BABAM2: variants seen among roughly 807,000 people sequenced by gnomAD.
The protein encoded by BABAM2 is BRISC and BRCA1-A complex member 2.
Under a neutral mutation model 54.7 loss-of-function variants are expected in BABAM2, and 31 were observed. The ratio of observed to expected loss-of-function variants is 0.57; its 90% CI spans 0.43 to 0.77. The LOEUF (loss-of-function observed/expected upper bound fraction) is 0.77. BABAM2 is among the 30% of genes least tolerant of loss of function. The pLI, the probability that BABAM2 is intolerant of heterozygous loss-of-function variation, is 0.00. For synonymous variants in BABAM2, 167 were observed against 162.9 expected (o/e 1.03, Z -0.19); for missense variants, 364 against 455.8 (o/e 0.80, Z 1.83).
chr2:28,017,228 C>G (rs1372740464), intron 4 of BABAM2, among the ~76,000 whole-genome samples: 1 of 152,170 alleles, frequency 6.6e-6, no homozygotes, highest in African/African-American at 2.4e-5. Context: ...GCTGATAATA[C>G]TTGGTCCTCT....
intron 6 of BABAM2, among the ~76,000 whole-genome samples, chr2:28,112,129 CTTTCTTTCTTTCTTTCTTTA>C (rs1376633922): frequency 1.7e-3 from 26 of 15,578 alleles, no homozygotes; most frequent in African/African-American, 6.5e-3. Context: ...TTCTTTCTTT[CTTTCTTTCTTTCTTTCTTTA>C]CCTCCCTCCC....
At position 28,182,581 on chromosome 2, in the gene BABAM2, T is replaced by G. The variant is rs971646565; in HGVS notation, c.680+53201T>G. Among the ~76,000 whole-genome samples the G allele has an allele frequency of 5.3e-5, 8 of 152,170 alleles. No homozygotes were observed. The East Asian group carries it at 1.3e-3, about 26-fold the overall frequency. On this transcript the variant is annotated intron_variant, in intron 7 of 11. Transcript: ENST00000379624. Reference sequence around the variant, plus strand: ...TAGGACTACAATCATGGCAGATCAGTGCTAGAAAGGCTTTAGAGTGTCTGT... The same window carrying G: ...TAGGACTACAATCATGGCAGATCAGGGCTAGAAAGGCTTTAGAGTGTCTGT...
chr2:28,332,192 C>T (rs1691018160), intron 11 of BABAM2, among the ~76,000 whole-genome samples: 1 of 152,190 alleles, frequency 6.6e-6, no homozygotes. Flanking sequence ...TAGCTAATGC[C>T]TGCAGGGCTT....
chr2:28,101,512 T>C (rs1263377256), intron 6 of BABAM2, among the ~76,000 whole-genome samples: 1 of 152,204 alleles, frequency 6.6e-6, no homozygotes, highest in African/African-American at 2.4e-5. Flanking sequence ...ATGTAAGTTA[T>C]GGAGCAGAGT....
At chr2:28,316,431 G>A (rs1413290940) in intron 11 of BABAM2, among the ~76,000 whole-genome samples, 2 of 117,692 alleles carry the variant, frequency 1.7e-5, no homozygotes, top group Non-Finnish European at 3.6e-5. Flanking sequence ...TGGGGGTGGG[G>A]GTGGGGGTGG....
chr2:27,926,056 T>A (rs1399359924), intron 2 of BABAM2, among the ~76,000 whole-genome samples: 3 of 151,926 alleles, frequency 2.0e-5, no homozygotes, highest in Non-Finnish European at 4.4e-5. Context: ...AATGGTCTCC[T>A]CCCTGGTCTG....
rs141140704 is a variant in BABAM2, at chr2:27,922,148, C to G, written c.129-7684C>G. Among the ~76,000 whole-genome samples the G allele has an allele frequency of 6.5e-3, 996 of 152,286 alleles. 6 individuals carry two copies. Among genetic ancestry groups the G allele is most frequent in the Non-Finnish European group, 0.01 (713 of 68,020 alleles). On this transcript the variant is annotated intron_variant, in intron 2 of 11. Coordinates refer to ENST00000379624, the MANE Select transcript of BABAM2 (RefSeq NM_199191.3). Reference sequence around the variant, plus strand: ...CAGAGTGCCAGTGAGACCCTTTGCTCTTTGATGTCATCATCTGTAAAATGA... The same window carrying G: ...CAGAGTGCCAGTGAGACCCTTTGCTGTTTGATGTCATCATCTGTAAAATGA...
chr2:27,994,199 C>T (rs1409028041), intron 4 of BABAM2, among the ~76,000 whole-genome samples: 1 of 152,086 alleles, frequency 6.6e-6, no homozygotes, highest in Non-Finnish European at 1.5e-5. Flanking sequence ...GGTATATGTA[C>T]AGAGTACTGT....
At chr2:28,306,690 AT>A (rs1688550300) in intron 11 of BABAM2, among the ~76,000 whole-genome samples, 1 of 150,242 alleles carries the variant, frequency 6.7e-6, no homozygotes, top group East Asian at 2.0e-4. Context: ...TTTCTTTTTT[AT>A]TTTTTTATTT....
intron 5 of BABAM2, among the ~76,000 whole-genome samples, chr2:28,039,653 A>T (rs549993707): frequency 6.6e-6 from 1 of 152,356 alleles, no homozygotes; most frequent in East Asian, 1.9e-4. Context: ...TTACAGAACA[A>T]CCTGAACTTG....
intron 7 of BABAM2, among the ~76,000 whole-genome samples, chr2:28,169,482 A>G (rs1039398672): frequency 6.6e-6 from 1 of 152,168 alleles, no homozygotes; most frequent in Non-Finnish European, 1.5e-5. Context: ...AAAAGAGACA[A>G]TATAAATATC....
intron 4 of BABAM2, among the ~76,000 whole-genome samples, chr2:27,990,625 G>A (rs1232559719): frequency 1.3e-5 from 2 of 151,960 alleles, no homozygotes; most frequent in East Asian, 1.9e-4. Context: ...TCCTGTGGCA[G>A]GTGTGGAATT....
chr2:27,889,130 C>T (rs1462447197), upstream of BABAM2, among the ~76,000 whole-genome samples: 1 of 152,200 alleles, frequency 6.6e-6, no homozygotes, highest in Non-Finnish European at 1.5e-5. Flanking sequence ...CTCTAACTCC[C>T]ACCTTTCTAA....
At chr2:28,278,424 C>A (rs1019866642) in intron 10 of BABAM2, among the ~76,000 whole-genome samples, 8 of 152,050 alleles carry the variant, frequency 5.3e-5, no homozygotes, top group Non-Finnish European at 1.2e-4. Flanking sequence ...ATCAAAAGGA[C>A]TTGGTGAACA....
At chr2:28,144,998 A>G (rs1373636698) in intron 7 of BABAM2, among the ~76,000 whole-genome samples, 1 of 152,182 alleles carries the variant, frequency 6.6e-6, no homozygotes, top group Non-Finnish European at 1.5e-5. Context: ...CTGCATCAAC[A>G]TGAGGTTGGG....
chr2:28,090,175 G>C (rs980287998), intron 6 of BABAM2, among the ~76,000 whole-genome samples: 2 of 152,080 alleles, frequency 1.3e-5, no homozygotes, highest in Non-Finnish European at 2.9e-5. Context: ...TCATGACATA[G>C]CCAAATGACA....
chr2:27,907,257 T>C (rs543604916), intron 2 of BABAM2, among the ~76,000 whole-genome samples: 2 of 147,550 alleles, frequency 1.4e-5, no homozygotes, highest in South Asian at 4.2e-4. Context: ...AAATACATCT[T>C]TTTTTTTTTT....
chr2:28,070,551 C>CTTTTTTTTTTTTTTTT (rs779324534), intron 6 of BABAM2, among the ~76,000 whole-genome samples: 1 of 85,740 alleles, frequency 1.2e-5, no homozygotes, highest in African/African-American at 3.2e-5. Flanking sequence ...AAGTACTTTT[C>CTTTTTTTTTTTTTTTT]TTTTCTTTTT....
intron 6 of BABAM2, among the ~76,000 whole-genome samples, chr2:28,105,045 G>T (rs1387454659): frequency 2.6e-5 from 4 of 151,446 alleles, no homozygotes; most frequent in Non-Finnish European, 4.4e-5. Flanking sequence ...GTTGTGGGGT[G>T]GGGGGATGGG....
Sources: allele counts gnomAD v4.1 joint callset (sites outside exome capture counted in the v4.1 genomes callset), GRCh38; gene constraint gnomAD v4.1.1; transcripts MANE v1.5; gene names NCBI Gene and HGNC (gene_info 2026-07-23, HGNC 2026-07-21).